ASIC2: variants seen among roughly 807,000 people sequenced by gnomAD.
ASIC2 encodes acid-sensing ion channel 2.
In ASIC2, 25 loss-of-function variants were observed where a neutral mutation model predicts 57.3. That is an observed-to-expected ratio of 0.44 (90% confidence interval 0.32 to 0.61). The LOEUF is 0.61. Among genes scored for constraint, ASIC2 ranks in the 20% least tolerant of loss-of-function variants. The pLI, the probability that ASIC2 is intolerant of heterozygous loss-of-function variation, is 0.06. For synonymous variants in ASIC2, 319 were observed against 307.5 expected, an observed-to-expected ratio of 1.04 and a Z score of -0.39; for missense variants, 641 against 738.1, an observed-to-expected ratio of 0.87 and a Z score of 1.52.
At chr17:33,245,168 C>G (rs1173306668) in intron 1 of ASIC2, among the ~76,000 whole-genome samples, 1 of 152,134 alleles carries the variant, frequency 6.6e-6, no homozygotes, top group African/African-American at 2.4e-5. Flanking sequence ...CATCATAGTT[C>G]TAGTTACTCC....
chr17:33,453,668 G>A (rs1912348056), intron 1 of ASIC2, among the ~76,000 whole-genome samples: 1 of 152,114 alleles, frequency 6.6e-6, no homozygotes, highest in African/African-American at 2.4e-5. Context: ...TATTTTTAAG[G>A]GTACGACTTA....
chr17:34,048,416 AG>A (rs1419076659), intron 1 of ASIC2, among the ~76,000 whole-genome samples: 2 of 152,202 alleles, frequency 1.3e-5, no homozygotes. Flanking sequence ...TTGCAAGGAA[AG>A]ATAGTAGATT....
intron 1 of ASIC2, among the ~76,000 whole-genome samples, chr17:33,870,031 A>G (rs8072555): frequency 1.3e-5 from 2 of 152,154 alleles, no homozygotes; most frequent in African/African-American, 4.8e-5. Flanking sequence ...CACAGGGAGC[A>G]TAGCAGAAAA....
At chr17:33,199,165 C>T (rs909514561) in intron 1 of ASIC2, among the ~76,000 whole-genome samples, 3 of 152,184 alleles carry the variant, frequency 2.0e-5, no homozygotes, top group Admixed American at 1.3e-4. Context: ...GGGCATCAAA[C>T]ATTTATTAAG....
chr17:33,149,703 T>A lies in ASIC2; in HGVS notation c.709-37636A>T, dbSNP rs183064030. Among the ~76,000 whole-genome samples, 1,309 of 152,282 alleles carry A rather than the reference T, an allele frequency of 8.6e-3. 36 individuals are homozygous for A. The highest frequency in any genetic ancestry group is 0.055 in the Admixed American group (838 of 15,298). On this transcript the variant is annotated intron_variant, in intron 1 of 9. Coordinates refer to ENST00000225823, the MANE Select transcript of ASIC2 (RefSeq NM_183377.2). ...TTTGACTTAAAAATTGAAAAAAAAA[T>A]TTGCCAATTTGTTAAGTAAAATATG...
At chr17:34,104,029 A>G (rs1395726789) in intron 1 of ASIC2, among the ~76,000 whole-genome samples, 1 of 152,104 alleles carries the variant, frequency 6.6e-6, no homozygotes, top group Admixed American at 6.5e-5. Context: ...ATGTCGAGCT[A>G]TGGATCGCTG....
chr17:33,617,542 T>TG (rs1905646611), intron 1 of ASIC2, among the ~76,000 whole-genome samples: 1 of 152,224 alleles, frequency 6.6e-6, no homozygotes, highest in African/African-American at 2.4e-5. Flanking sequence ...AACTACCTAT[T>TG]GGGTATTATG....
chr17:33,985,799 A>G (rs997326255), intron 1 of ASIC2, among the ~76,000 whole-genome samples: 20 of 152,212 alleles, frequency 1.3e-4, no homozygotes, highest in African/African-American at 4.6e-4. Context: ...AAGTCTTTAC[A>G]TTGGCTGAAA....
intron 1 of ASIC2, among the ~76,000 whole-genome samples, chr17:33,404,320 G>A (rs1325764320): frequency 6.6e-6 from 1 of 152,180 alleles, no homozygotes; most frequent in African/African-American, 2.4e-5. Context: ...AGTGAATTTT[G>A]TAGTATGTAA....
intron 1 of ASIC2, among the ~76,000 whole-genome samples, chr17:33,377,292 C>A (rs535426025): frequency 1.2e-4 from 19 of 152,310 alleles, no homozygotes; most frequent in Non-Finnish European, 2.6e-4. Flanking sequence ...CTCAAGGGAT[C>A]CACCTGCCTC....
At chr17:33,579,708 C>T (rs575745384) in intron 1 of ASIC2, among the ~76,000 whole-genome samples, 2 of 152,154 alleles carry the variant, frequency 1.3e-5, no homozygotes, top group East Asian at 1.9e-4. Context: ...TCGCAGCCAG[C>T]GTTACAACTG....
At chr17:33,654,689 GA>G (rs1907024953) in intron 1 of ASIC2, among the ~76,000 whole-genome samples, 2 of 152,196 alleles carry the variant, frequency 1.3e-5, no homozygotes, top group African/African-American at 2.4e-5. Context: ...AGAGCTCTCA[GA>G]CTAAAACTAC....
chr17:34,049,101 T>C (rs1050585024), intron 1 of ASIC2, among the ~76,000 whole-genome samples: 6 of 151,762 alleles, frequency 4.0e-5, no homozygotes, highest in Admixed American at 3.9e-4. Flanking sequence ...AGTTCAAGAC[T>C]AGCCAGGGCA....
intron 1 of ASIC2, among the ~76,000 whole-genome samples, chr17:34,127,158 G>A (rs532564686): frequency 2.6e-5 from 4 of 152,292 alleles, no homozygotes; most frequent in Middle Eastern, 3.4e-3. Context: ...TTTGTTTTTC[G>A]TTATGAGTAA....
At chr17:33,742,619 G>GA (rs1201781674) in intron 1 of ASIC2, among the ~76,000 whole-genome samples, 1 of 152,148 alleles carries the variant, frequency 6.6e-6, no homozygotes, top group African/African-American at 2.4e-5. Context: ...AACAATGCAG[G>GA]AAAAAACTCC....
chr17:33,534,014 AATC>A (rs1404522495), intron 1 of ASIC2: 1 of 152,146 alleles, frequency 6.6e-6, no homozygotes, highest in Non-Finnish European at 1.5e-5. Flanking sequence ...ATTGTCATTT[AATC>A]ATAAGCTATT....
chr17:33,742,592 A>G (rs1490920), intron 1 of ASIC2, among the ~76,000 whole-genome samples: 105,026 of 152,042 alleles, frequency 0.69, 36,320 homozygotes, highest in East Asian at 0.72. Context: ...TAGACAAATG[A>G]ATGGATAAAT....
Position 34,018,505 on chromosome 17 carries a change from G to A in ASIC2, c.555+137473C>T, listed in dbSNP as rs566224624. ...ATTATTTAAGAAATTCATTTCATGAGGCTATAGCTGCCACAGATAGTGATT... is the reference window on the plus strand; with the variant it reads ...ATTATTTAAGAAATTCATTTCATGAAGCTATAGCTGCCACAGATAGTGATT... On this transcript the variant is annotated intron_variant, in intron 1 of 9. Coordinates refer to the ASIC2 transcript ENST00000359872. Among the ~76,000 whole-genome samples, 32 of 152,220 alleles carry A rather than the reference G, an allele frequency of 2.1e-4. No individual in the cohort carries two copies. In the South Asian group the frequency reaches 5.8e-3, roughly 28 times the overall value.
In ASIC2 at chr17:33,033,978, G is replaced by A. The variant is rs537120358; in HGVS notation, c.988-5586C>T. On this transcript the variant is annotated intron_variant, in intron 3 of 9. Transcript: ENST00000225823. ...GAGGAGTACTCTCTCTGCTGATAGC[G>A]GAGACGATGAGATGATCAGCTGCAG... Among the ~76,000 whole-genome samples, 18 of 152,192 alleles carry A rather than the reference G, an allele frequency of 1.2e-4. 1 individual carries two copies. Among genetic ancestry groups the A allele is most frequent in the South Asian group, 4.2e-4 (2 of 4,808 alleles).
Sources: allele counts gnomAD v4.1 joint callset (sites outside exome capture counted in the v4.1 genomes callset), GRCh38; gene constraint gnomAD v4.1.1; transcripts MANE v1.5; gene names NCBI Gene and HGNC (gene_info 2026-07-23, HGNC 2026-07-21).